The following PRDM15 variants were observed in gnomAD, a reference collection of about 807,000 sequenced individuals.
PRDM15 encodes the protein PR domain zinc finger protein 15.
A neutral mutation model predicts 128.6 loss-of-function variants in PRDM15; 64 were observed. The ratio of observed to expected loss-of-function variants is 0.50; its 90% CI spans 0.41 to 0.61. The LOEUF (loss-of-function observed/expected upper bound fraction) is 0.61. Ranked by LOEUF, PRDM15 falls within the 20% of genes least tolerant of loss-of-function variation. The probability of loss-of-function intolerance (pLI) is 0.00; values close to 1 mark genes in which losing one functional copy is unlikely to be tolerated. For synonymous variants in PRDM15, 615 were observed against 621.8 expected, an observed-to-expected ratio of 0.99 and a Z score of 0.16; for missense variants, 1,242 against 1,569.1, an observed-to-expected ratio of 0.79 and a Z score of 3.52.
chr21:41,810,156 C>A lies in PRDM15; in HGVS notation c.2650G>T (p.Glu884Ter). The A allele has an allele frequency of 6.2e-7, 1 of 1,605,686 alleles. No homozygotes were observed. The highest frequency in any genetic ancestry group is 8.5e-7 in the Non-Finnish European group (1 of 1,177,170). ...AGGGGGCACAGCCACCAGCTCACCTCGGGGTGCTTGCGCCGCATGTGTCGG... is the reference window on the plus strand; with the variant it reads ...AGGGGGCACAGCCACCAGCTCACCTAGGGGTGCTTGCGCCGCATGTGTCGG... ...MSRHMRRKHP[E>*]VLAVRIDDLD... is the part of the protein sequence containing the mutation. Residue 884 changes from glutamate to a stop codon, truncating the protein, a stop_gained and splice_region_variant, in exon 21 of 24, where the codon GAG becomes TAG. Coordinates refer to ENST00000398548, the MANE Select transcript of PRDM15 (RefSeq NM_001040424.3). LOFTEE classifies it high-confidence loss of function. The surrounding 1 kb of genome is among the most constrained non-coding windows in gnomAD (Gnocchi z 6.4).
intron 1 of PRDM15, among the ~76,000 whole-genome samples, chr21:41,877,984 G>C (rs911015035): frequency 2.6e-5 from 4 of 152,260 alleles, no homozygotes; most frequent in African/African-American, 9.6e-5. Context: ...GTGAAGCAGT[G>C]AAAACGTGGA....
intron 11 of PRDM15, among the ~76,000 whole-genome samples, chr21:41,833,487 ATTCTTGGT>A: frequency 6.6e-6 from 1 of 152,268 alleles, no homozygotes; most frequent in African/African-American, 2.4e-5. Flanking sequence ...TCTTGGTTTA[ATTCTTGGT>A]ACAAATTCTT....
chr21:41,853,293 T>C (rs2063483575), intron 5 of PRDM15, among the ~76,000 whole-genome samples: 2 of 152,208 alleles, frequency 1.3e-5, no homozygotes, highest in African/African-American at 2.4e-5. Context: ...AACCTTCCAA[T>C]AAGTTAAGAA....
In PRDM15 at chr21:41,810,334, TCA is replaced by T. The variant is rs1439267843; in HGVS notation, c.2477-7_2477-6del. ...AGCACGTCCACTGCTTGCCCACTTT[TCA>T]CACACACGCAGACACACATGCGCGT... is the stretch of plus-strand genomic sequence containing the variant. On this transcript the variant is annotated splice_polypyrimidine_tract_variant and splice_region_variant and intron_variant, in intron 20 of 23. Coordinates refer to ENST00000398548, the MANE Select transcript of PRDM15 (RefSeq NM_001040424.3). The surrounding 1 kb of genome is among the most constrained non-coding windows in gnomAD (Gnocchi z 6.4). 2.5e-6 allele frequency: 4 copies of T among 1,610,794 alleles called. No individual in the cohort carries two copies. Among genetic ancestry groups the T allele is most frequent in the East Asian group, 4.5e-5 (2 of 44,822 alleles).
chr21:41,806,440 CA>C (rs2061640262), intron 21 of PRDM15, among the ~76,000 whole-genome samples: 1 of 66,728 alleles, frequency 1.5e-5, no homozygotes. Flanking sequence ...CCACCACCAC[CA>C]TCACCACCAC....
At position 41,815,748 on chromosome 21, in the gene PRDM15, G is replaced by T; in HGVS notation, c.2349C>A (p.Phe783Leu). 1 of 1,614,074 alleles carries T rather than the reference G, an allele frequency of 6.2e-7. No homozygotes were observed. Among genetic ancestry groups the T allele is most frequent in the South Asian group, 1.1e-5 (1 of 91,090 alleles). Residue 783 changes from phenylalanine to leucine, a missense_variant, in exon 19 of 24, where the codon TTC (phenylalanine) becomes TTA (leucine). By Grantham distance (22) the Phe-to-Leu change is conservative. This residue lies in a region of PRDM15 where 602 missense variants were observed against 788.3 expected (regional missense o/e 0.76). Transcript: ENST00000398548. ...GCTTGAGCATGTTGACCTTCTGCGC[G>T]AACCTGCGGTGGCACTCCTTGCACT... ...EYECKECHRR[F>L]AQKVNMLKHC...
chr21:41,805,258 C>T (rs1376076703), intron 21 of PRDM15, among the ~76,000 whole-genome samples: 2 of 152,150 alleles, frequency 1.3e-5, no homozygotes, highest in African/African-American at 4.8e-5. Context: ...CCTGTGATGA[C>T]CTAATTAGAT....
At chr21:41,830,249 A>C (rs1387136622) in intron 11 of PRDM15, among the ~76,000 whole-genome samples, 2 of 150,488 alleles carry the variant, frequency 1.3e-5, no homozygotes, top group African/African-American at 4.9e-5. Context: ...NACACACCAC[A>C]CACACACCCC....
chr21:41,802,555 T>C (rs1424264235), intron 23 of PRDM15, among the ~76,000 whole-genome samples, 157 bp downstream of exon 23: 3 of 152,186 alleles, frequency 2.0e-5, no homozygotes, highest in African/African-American at 7.2e-5. Context: ...ACATGAAACA[T>C]GCTTAAGTGA....
intron 11 of PRDM15, among the ~76,000 whole-genome samples, chr21:41,831,886 T>C (rs1229208021): frequency 6.6e-6 from 1 of 152,186 alleles, no homozygotes; most frequent in Non-Finnish European, 1.5e-5. Context: ...ACCTGGGCCA[T>C]AAGAGGAGCA....
chr21:41,825,912 A>C (rs755141832), intron 13 of PRDM15, 48 bp downstream of exon 13: 1 of 1,396,760 alleles, frequency 7.2e-7, no homozygotes, highest in Non-Finnish European at 1.0e-6. Context: ...AACTGAAGAA[A>C]ATGATGTGCT....
chr21:41,871,903 G>A (rs772581486), intron 1 of PRDM15: 8 of 295,890 alleles, frequency 2.7e-5, no homozygotes, highest in Non-Finnish European at 3.1e-5. Context: ...GCACACCTAC[G>A]TGACATGACC....
At position 41,828,437 on chromosome 21, in the gene PRDM15, TGA is replaced by T. The variant is rs1476296390; in HGVS notation, c.1367-106_1367-105del. 8.3e-7 allele frequency: 1 copy of T among 1,207,646 alleles called. No homozygotes were observed. Among genetic ancestry groups the T allele is most frequent in the Non-Finnish European group, 1.2e-6 (1 of 830,644 alleles). 74.8% of individuals were successfully genotyped at this position (1,207,646 alleles called of 1,614,324 possible). Reference sequence around the variant, plus strand: ...GTCAATAAAGCGCGGGTGACGGGCATGAGAGTCACGGGGATGCGTGGCCAGGA... The same window carrying T: ...GTCAATAAAGCGCGGGTGACGGGCATGAGTCACGGGGATGCGTGGCCAGGA... On this transcript the variant is annotated intron_variant, in intron 11 of 23. Coordinates refer to ENST00000398548, the MANE Select transcript of PRDM15 (RefSeq NM_001040424.3). The surrounding 1 kb of genome is among the most constrained non-coding windows in gnomAD (Gnocchi z 5.7).
At chr21:41,836,721 A>G in intron 8 of PRDM15, 72 bp from the exon 9 acceptor site, 1 of 1,363,472 alleles carries the variant, frequency 7.3e-7, no homozygotes, top group African/African-American at 1.4e-5. Context: ...CAGCATGAAA[A>G]CGGCCTCCTT....
At chr21:41,871,692 A>G in intron 1 of PRDM15, 2 of 1,509,942 alleles carry the variant, frequency 1.3e-6, no homozygotes, top group Non-Finnish European at 1.8e-6. Flanking sequence ...GTCTTGAAAC[A>G]TGACAGAAAC....
rs1183737974 is a variant in PRDM15, at chr21:41,837,899, C to T, written c.1001+35G>A. ...CCTGGCTGCTGCCAGCATTGTCTGT[C>T]CACAGGACGGCCCCAGGTGCCAGGC... On this transcript the variant is annotated intron_variant, in intron 8 of 23. Transcript: ENST00000398548. 4.3e-6 allele frequency: 7 copies of T among 1,613,310 alleles called. No homozygotes were observed. The South Asian group carries it at 6.6e-5, about 15-fold the overall frequency.
intron 6 of PRDM15, among the ~76,000 whole-genome samples, chr21:41,844,388 T>C (rs1468501730): frequency 7.0e-6 from 1 of 142,930 alleles, no homozygotes; most frequent in African/African-American, 2.6e-5. Context: ...CTCAGGGAGG[T>C]GACACAGCCC....
At chr21:41,842,493 TTTTG>T (rs1180794605) in intron 6 of PRDM15, among the ~76,000 whole-genome samples, 3 of 152,238 alleles carry the variant, frequency 2.0e-5, no homozygotes, top group African/African-American at 7.2e-5. Flanking sequence ...ATGATTCTTT[TTTTG>T]TTTGTTTGTT....
At chr21:41,871,338 A>G (rs13048656) in intron 1 of PRDM15, among the ~76,000 whole-genome samples, 2 of 60,228 alleles carry the variant, frequency 3.3e-5, no homozygotes, top group African/African-American at 1.4e-4. Context: ...CATTCCCCCC[A>G]CCCCCACCCC....
Sources: gnomAD v4.1 joint callset for allele counts (sites outside exome capture counted in the v4.1 genomes callset) on GRCh38, gnomAD v4.1.1 for gene constraint, gnomAD v4.1.1 regional missense constraint, Gnocchi (gnomAD v3.1) non-coding constraint, MANE v1.5 for transcripts, NCBI Gene and HGNC (gene_info 2026-07-23, HGNC 2026-07-21) for gene names.